The following PKP4 variants were observed in gnomAD, a reference collection of about 807,000 sequenced individuals.
PKP4 encodes the protein plakophilin-4.
A neutral mutation model predicts 145.1 loss-of-function variants in PKP4; 90 were observed. The observed-to-expected ratio is 0.62, with a 90% CI of 0.52 to 0.74. The LOEUF (loss-of-function observed/expected upper bound fraction) is 0.74. Among genes scored for constraint, PKP4 ranks in the 30% least tolerant of loss-of-function variants. The pLI is 0.00. For missense variants in PKP4, 1,340 were observed against 1,482.7 expected (o/e 0.90, Z 1.58); for synonymous variants, 563 against 577.2 (o/e 0.98, Z 0.35).
At chr2:158,494,633 A>G (rs1574094660) in intron 1 of PKP4, among the ~76,000 whole-genome samples, 2 of 152,346 alleles carry the variant, frequency 1.3e-5, no homozygotes, top group Admixed American at 1.3e-4. Context: ...AGACTTTTTC[A>G]AAGTACTAAA....
In PKP4 at chr2:158,679,972, G is replaced by C. The variant is rs370618363; in HGVS notation, c.3331-457G>C. Among the ~76,000 whole-genome samples, 4 of 152,236 alleles carry C rather than the reference G, an allele frequency of 2.6e-5. No individual in the cohort carries two copies. The South Asian group carries it at 8.3e-4, about 32-fold the overall frequency. Reference sequence around the variant, plus strand: ...AAGTAAATGTTCTAAAAGATGGTTCGGTAATTATACAATTATCCAAGGCCC... The same window carrying C: ...AAGTAAATGTTCTAAAAGATGGTTCCGTAATTATACAATTATCCAAGGCCC... On this transcript the variant is annotated intron_variant, in intron 21 of 21. Coordinates refer to ENST00000389759, the MANE Select transcript of PKP4 (RefSeq NM_003628.6).
intron 1 of PKP4, among the ~76,000 whole-genome samples, chr2:158,472,271 A>T (rs1424663665): frequency 6.7e-6 from 1 of 150,220 alleles, no homozygotes; most frequent in Non-Finnish European, 1.5e-5. Flanking sequence ...ATAAATACAT[A>T]CAATTTTATC....
intron 3 of PKP4, among the ~76,000 whole-genome samples, chr2:158,596,662 T>TA (rs1445675511): frequency 1.3e-5 from 2 of 151,804 alleles, no homozygotes; most frequent in Non-Finnish European, 2.9e-5. Flanking sequence ...TGTAATATTG[T>TA]AAAAAACTAT....
intron 20 of PKP4, 73 bp from the exon 21 acceptor site, chr2:158,678,508 A>G: frequency 9.7e-7 from 1 of 1,036,170 alleles, no homozygotes; most frequent in South Asian, 1.3e-5. Context: ...GCCCTAGTGC[A>G]GGGGAGACCA....
intron 17 of PKP4, among the ~76,000 whole-genome samples, chr2:158,673,475 A>G (rs1215709749): frequency 1.3e-5 from 2 of 152,208 alleles, no homozygotes; most frequent in Middle Eastern, 3.2e-3. Context: ...GCCTCACTTC[A>G]GTTCTTGCCA....
intron 4 of PKP4, among the ~76,000 whole-genome samples, chr2:158,613,098 G>T (rs2051283661): frequency 1.3e-5 from 2 of 152,158 alleles, no homozygotes; most frequent in African/African-American, 4.8e-5. Flanking sequence ...AGAGTCACCT[G>T]CAGAGCTACT....
At chr2:158,554,613 G>T (rs533692193) in intron 2 of PKP4, among the ~76,000 whole-genome samples, 1 of 152,068 alleles carries the variant, frequency 6.6e-6, no homozygotes, top group South Asian at 2.1e-4. Context: ...TTTTAGTAAA[G>T]ACGGGGTTTC....
At chr2:158,603,260 A>C (rs1231497881) in intron 4 of PKP4, among the ~76,000 whole-genome samples, 156 bp downstream of exon 4, 1 of 152,172 alleles carries the variant, frequency 6.6e-6, no homozygotes, top group Non-Finnish European at 1.5e-5. Context: ...AATATGCTTA[A>C]GTTTTTAGTA....
intron 1 of PKP4, among the ~76,000 whole-genome samples, chr2:158,483,392 T>C (rs1374686362): frequency 6.6e-6 from 1 of 152,052 alleles, no homozygotes; most frequent in Non-Finnish European, 1.5e-5. Flanking sequence ...TCATTTTGTC[T>C]TCTCATTCTC....
chr2:158,562,390 A>T (rs2046607523), intron 2 of PKP4, among the ~76,000 whole-genome samples: 1 of 152,222 alleles, frequency 6.6e-6, no homozygotes, highest in African/African-American at 2.4e-5. Flanking sequence ...AATCACAAAA[A>T]GACAAATAGT....
chr2:158,506,864 G>A (rs1272886171), intron 1 of PKP4, among the ~76,000 whole-genome samples: 1 of 152,098 alleles, frequency 6.6e-6, no homozygotes. Flanking sequence ...TCCTATAGAG[G>A]CAATATCACT....
At chr2:158,553,558 C>T (rs899641927) in intron 2 of PKP4, among the ~76,000 whole-genome samples, 1 of 152,184 alleles carries the variant, frequency 6.6e-6, no homozygotes, top group Non-Finnish European at 1.5e-5. Flanking sequence ...AAACAGTGCT[C>T]AGTTGCAAAT....
rs2047940569 is a variant in PKP4, at chr2:158,577,336, A to G, written c.198A>G (p.Leu66=). ...AAAGGCAGATTGTTGCCAGTCAGCTAGAAAGATGTAGGCTTGGAGCAGAAT... is the reference window on the plus strand; with the variant it reads ...AAAGGCAGATTGTTGCCAGTCAGCTGGAAAGATGTAGGCTTGGAGCAGAAT... ...EVERQIVASQ[L]ERCRLGAESP... Residue 66 remains leucine, a synonymous_variant, in exon 3 of 22, where the codon CTA becomes CTG. Transcript: ENST00000389759. 2.5e-6 allele frequency: 4 copies of G among 1,613,426 alleles called. No individual in the cohort carries two copies. Among genetic ancestry groups the G allele is most frequent in the Admixed American group, 3.3e-5 (2 of 59,908 alleles).
At chr2:158,528,579 A>C (rs1195069205) in intron 1 of PKP4, among the ~76,000 whole-genome samples, 128 of 137,186 alleles carry the variant, frequency 9.3e-4, no homozygotes, top group African/African-American at 3.2e-3. Flanking sequence ...TGGCACATGT[A>C]TACATATGTA....
At chr2:158,483,222 A>G (rs570841177) in intron 1 of PKP4, among the ~76,000 whole-genome samples, 28 of 152,076 alleles carry the variant, frequency 1.8e-4, no homozygotes, top group African/African-American at 6.7e-4. Flanking sequence ...TCATGGTGGA[A>G]TTTTTTTCCT....
chr2:158,680,719 G>T lies in PKP4; in HGVS notation c.*42G>T, dbSNP rs1402217177. The T allele has an allele frequency of 3.9e-6, 6 of 1,526,430 alleles. No homozygotes were observed. The highest frequency in any genetic ancestry group is 5.3e-6 in the Non-Finnish European group (6 of 1,135,468). The allele number at this position is 1,526,430 out of a possible 1,614,324, so 94.6% of individuals were successfully genotyped here. The stretch of plus-strand genomic sequence containing the variant: ...AGAGGAACTCTTTCTTTCTAACCTT[G>T]TTCAGATTGAGGTGAAAAGTCCATC... On this transcript the variant is annotated 3_prime_UTR_variant, in exon 22 of 22. Coordinates refer to ENST00000389759, the MANE Select transcript of PKP4 (RefSeq NM_003628.6).
intron 15 of PKP4, among the ~76,000 whole-genome samples, chr2:158,665,659 G>T (rs192439621): frequency 1.3e-5 from 2 of 152,106 alleles, no homozygotes; most frequent in Non-Finnish European, 2.9e-5. Context: ...GTTTTCTAAC[G>T]TTACTCTTTT....
rs540164329 is a variant in PKP4, at chr2:158,561,183, T to A, written c.133-16088T>A. ...CACAGGCACACTCGTCATTTATGTT[T>A]ATGGCTGCTTTTGCACTCCCAGGTC... On this transcript the variant is annotated intron_variant, in intron 2 of 21. Transcript: ENST00000389759. Among the ~76,000 whole-genome samples the A allele has an allele frequency of 8.9e-4, 135 of 152,368 alleles. 1 individual carries two copies. Among genetic ancestry groups the A allele is most frequent in the African/African-American group, 3.1e-3 (131 of 41,594 alleles).
intron 2 of PKP4, among the ~76,000 whole-genome samples, chr2:158,545,087 T>TTTTC (rs1169797006): frequency 6.9e-6 from 1 of 143,914 alleles, no homozygotes; most frequent in Non-Finnish European, 1.5e-5. Flanking sequence ...TTTTTTTTTT[T>TTTTC]TTTTTTTTTT....
Sources: allele counts gnomAD v4.1 joint callset (sites outside exome capture counted in the v4.1 genomes callset), GRCh38; gene constraint gnomAD v4.1.1; transcripts MANE v1.5; gene names NCBI Gene and HGNC (gene_info 2026-07-23, HGNC 2026-07-21).